The following AGBL4 variants were observed in gnomAD, a reference collection of about 807,000 sequenced individuals.
The protein encoded by AGBL4 is cytosolic carboxypeptidase 6.
Under a neutral mutation model 66.4 loss-of-function variants are expected in AGBL4, and 58 were observed. The ratio of observed to expected loss-of-function variants is 0.87; its 90% CI spans 0.71 to 1.09. The LOEUF (loss-of-function observed/expected upper bound fraction) is 1.09, where lower values mean the gene tolerates loss of function less well. Ranked by LOEUF, AGBL4 falls within the 50% of genes least tolerant of loss-of-function variation. The pLI, the probability that AGBL4 is intolerant of heterozygous loss-of-function variation, is 0.00. For missense variants in AGBL4, 579 were observed against 631.0 expected, an observed-to-expected ratio of 0.92 and a Z score of 0.88; for synonymous variants, 234 against 222.9, an observed-to-expected ratio of 1.05 and a Z score of -0.44.
chr1:48,753,525 T>C (rs1271462528), intron 6 of AGBL4, among the ~76,000 whole-genome samples: 2 of 152,246 alleles, frequency 1.3e-5, no homozygotes, highest in African/African-American at 2.4e-5. Context: ...GCTGGTATTT[T>C]AGCGGACCTT....
intron 3 of AGBL4, among the ~76,000 whole-genome samples, chr1:49,637,842 A>G (rs1375734180): frequency 1.3e-5 from 2 of 152,196 alleles, no homozygotes; most frequent in Non-Finnish European, 2.9e-5. Context: ...TTTGCCATAG[A>G]ATGCAAAGAA....
At position 49,684,284 on chromosome 1, in the gene AGBL4, A is replaced by C. The variant is rs80281525; in HGVS notation, c.282+13029T>G. On this transcript the variant is annotated intron_variant, in intron 3 of 13. Transcript: ENST00000371839. ...TTGGCAGTAGATCAGCCAAAAACCCATAGCTTTAAGATTCATCTAGCCTAA... is the reference window on the plus strand; with the variant it reads ...TTGGCAGTAGATCAGCCAAAAACCCCTAGCTTTAAGATTCATCTAGCCTAA... Among the ~76,000 whole-genome samples, 28 of 152,324 alleles carry C rather than the reference A, an allele frequency of 1.8e-4. 2 individuals are homozygous for C. In the East Asian group the frequency reaches 5.4e-3, roughly 29 times the overall value.
intron 2 of AGBL4, among the ~76,000 whole-genome samples, chr1:49,759,256 G>C (rs562831373): frequency 6.6e-6 from 1 of 152,180 alleles, no homozygotes; most frequent in East Asian, 1.9e-4. Flanking sequence ...ATAAAAAATG[G>C]CTCTTTACCT....
At chr1:49,976,688 T>A (rs1658584734) in intron 1 of AGBL4, among the ~76,000 whole-genome samples, 1 of 152,248 alleles carries the variant, frequency 6.6e-6, no homozygotes, top group Admixed American at 6.5e-5. Context: ...CAGAGCTTTA[T>A]AATGATGTCA....
chr1:49,904,090 A>G (rs949757236), intron 1 of AGBL4, among the ~76,000 whole-genome samples: 3 of 152,140 alleles, frequency 2.0e-5, no homozygotes, highest in African/African-American at 7.2e-5. Context: ...ACTAAATTCA[A>G]CTCAGATCTG....
chr1:49,904,452 G>A (rs551459713), intron 1 of AGBL4, among the ~76,000 whole-genome samples: 2 of 152,202 alleles, frequency 1.3e-5, no homozygotes, highest in South Asian at 2.1e-4. Flanking sequence ...TTCAACCTCA[G>A]TACAAAAATA....
At chr1:48,645,321 G>A (rs534342650) in intron 8 of AGBL4, among the ~76,000 whole-genome samples, 2 of 152,268 alleles carry the variant, frequency 1.3e-5, no homozygotes, top group African/African-American at 4.8e-5. Context: ...GTGTGACCTT[G>A]AGCAAGTTAC....
intron 9 of AGBL4, among the ~76,000 whole-genome samples, chr1:48,613,009 C>G (rs1288755380): frequency 1.3e-5 from 2 of 152,080 alleles, no homozygotes; most frequent in Non-Finnish European, 2.9e-5. Context: ...TGGTGGGCAC[C>G]TGTAGTCCCA....
At chr1:49,218,781 TG>T (rs1345436547) in intron 4 of AGBL4, among the ~76,000 whole-genome samples, 2 of 152,080 alleles carry the variant, frequency 1.3e-5, no homozygotes, top group Non-Finnish European at 2.9e-5. Context: ...CCACGTGTCA[TG>T]GGAGGGACAC....
intron 4 of AGBL4, among the ~76,000 whole-genome samples, chr1:49,208,680 C>T (rs778840288): frequency 2.0e-5 from 3 of 151,996 alleles, no homozygotes; most frequent in African/African-American, 2.4e-5. Flanking sequence ...ATTTGTCCCA[C>T]AGAATTGCTG....
intron 5 of AGBL4, among the ~76,000 whole-genome samples, chr1:48,868,418 A>C (rs1481831683): frequency 6.6e-6 from 1 of 152,166 alleles, no homozygotes; most frequent in Non-Finnish European, 1.5e-5. Context: ...AATTTTTTTC[A>C]TACTCCTGGC....
At chr1:49,257,163 T>C (rs1268311691) in intron 3 of AGBL4, among the ~76,000 whole-genome samples, 1 of 150,978 alleles carries the variant, frequency 6.6e-6, no homozygotes, top group African/African-American at 2.4e-5. Flanking sequence ...TGAAAGTCAA[T>C]GATTGAAAAA....
At chr1:49,467,609 T>C (rs1377913254) in intron 3 of AGBL4, among the ~76,000 whole-genome samples, 1 of 151,914 alleles carries the variant, frequency 6.6e-6, no homozygotes, top group Non-Finnish European at 1.5e-5. Flanking sequence ...AGGGTCTTTA[T>C]TGCACTAGAA....
intron 6 of AGBL4, among the ~76,000 whole-genome samples, chr1:48,842,108 T>C (rs1646818760): frequency 6.6e-6 from 1 of 152,186 alleles, no homozygotes; most frequent in Non-Finnish European, 1.5e-5. Flanking sequence ...CTGGGAGCTA[T>C]AAAATCTGGG....
At chr1:49,034,974 C>T (rs1664522214) in intron 5 of AGBL4, among the ~76,000 whole-genome samples, 1 of 152,018 alleles carries the variant, frequency 6.6e-6, no homozygotes, top group African/African-American at 2.4e-5. Context: ...ATTATTACAA[C>T]AGACTGGAAT....
At chr1:49,058,196 C>G (rs1644339994) in intron 4 of AGBL4, among the ~76,000 whole-genome samples, 1 of 152,188 alleles carries the variant, frequency 6.6e-6, no homozygotes, top group African/African-American at 2.4e-5. Flanking sequence ...TCTTCCTTCT[C>G]TTTCCAGCCT....
intron 11 of AGBL4, among the ~76,000 whole-genome samples, chr1:48,560,781 C>T (rs544943055): frequency 2.3e-4 from 35 of 152,316 alleles, no homozygotes; most frequent in African/African-American, 8.4e-4. Flanking sequence ...GGCACTGTGC[C>T]TAGTCCTGGA....
intron 6 of AGBL4, among the ~76,000 whole-genome samples, chr1:48,866,081 G>A (rs948883297): frequency 2.6e-5 from 4 of 152,064 alleles, no homozygotes; most frequent in African/African-American, 9.7e-5. Flanking sequence ...CTATAGTAAG[G>A]TCACCCAAAC....
intron 6 of AGBL4, among the ~76,000 whole-genome samples, chr1:48,669,367 C>G (rs379745): frequency 0.54 from 82,827 of 152,006 alleles, 22,938 homozygotes; most frequent in Middle Eastern, 0.66. Context: ...TGTTGAGCTG[C>G]AGAGCTCTTG....
Sources: allele counts gnomAD v4.1 joint callset (sites outside exome capture counted in the v4.1 genomes callset), GRCh38; gene constraint gnomAD v4.1.1; transcripts MANE v1.5; gene names NCBI Gene and HGNC (gene_info 2026-07-23, HGNC 2026-07-21).